Variants in PRKCE observed in about 807,000 individuals in gnomAD.
PRKCE encodes the protein protein kinase C epsilon.
Under a neutral mutation model 85.4 loss-of-function variants are expected in PRKCE, and 16 were observed. The ratio of observed to expected loss-of-function variants is 0.19; its 90% CI spans 0.13 to 0.28. The LOEUF (loss-of-function observed/expected upper bound fraction) is 0.28, where lower values mean the gene tolerates loss of function less well. Among genes scored for constraint, PRKCE ranks in the 10% least tolerant of loss-of-function variants. The pLI is 1.00. For synonymous variants in PRKCE, 388 were observed against 371.5 expected (o/e 1.04, Z -0.51); for missense variants, 573 against 975.2 (o/e 0.59, Z 5.49).
intron 2 of PRKCE, among the ~76,000 whole-genome samples, chr2:45,883,131 T>G (rs1256525612): frequency 6.6e-6 from 1 of 152,280 alleles, no homozygotes; most frequent in Admixed American, 6.5e-5. Flanking sequence ...CTCTCATTCC[T>G]GCAGCCAGCC....
chr2:45,681,787 C>T (rs912580648), intron 1 of PRKCE, among the ~76,000 whole-genome samples: 17 of 152,176 alleles, frequency 1.1e-4, no homozygotes, highest in African/African-American at 4.1e-4. Flanking sequence ...CATGCATGCC[C>T]TGTATTAAAG....
intron 1 of PRKCE, among the ~76,000 whole-genome samples, chr2:45,670,319 G>T (rs1368823198): frequency 6.6e-6 from 1 of 152,166 alleles, no homozygotes; most frequent in Non-Finnish European, 1.5e-5. Context: ...GTGAGAAAAA[G>T]AGAATAAAGG....
At chr2:45,768,226 C>T (rs1558650428) in intron 1 of PRKCE, among the ~76,000 whole-genome samples, 1 of 152,108 alleles carries the variant, frequency 6.6e-6, no homozygotes, top group Admixed American at 6.5e-5. Context: ...GAAATCAAAA[C>T]ACGAAAGAGC....
chr2:45,747,322 GC>G (rs1465204543), intron 1 of PRKCE, among the ~76,000 whole-genome samples: 1 of 152,070 alleles, frequency 6.6e-6, no homozygotes, highest in Non-Finnish European at 1.5e-5. Context: ...CTTTTACCTT[GC>G]AAATCTGAAA....
At chr2:46,106,733 G>A (rs1034384882) in intron 11 of PRKCE, among the ~76,000 whole-genome samples, 6 of 152,192 alleles carry the variant, frequency 3.9e-5, no homozygotes, top group Non-Finnish European at 8.8e-5. Flanking sequence ...ATTGGAGTAG[G>A]ACCATCCTGC....
intron 2 of PRKCE, chr2:45,851,972 C>G (rs1016156740): frequency 2.0e-5 from 3 of 152,334 alleles, no homozygotes; most frequent in African/African-American, 7.2e-5. Flanking sequence ...AAGACCCCCT[C>G]AGAGCAGTAA....
At chr2:46,169,879 A>T (rs1343335457) in intron 14 of PRKCE, among the ~76,000 whole-genome samples, 7 of 152,154 alleles carry the variant, frequency 4.6e-5, no homozygotes, top group Admixed American at 4.6e-4. Flanking sequence ...ACAGGCAGTG[A>T]GCTAAGGGGA....
intron 13 of PRKCE, among the ~76,000 whole-genome samples, chr2:46,153,767 CTCTTCT>C (rs1348236879): frequency 1.3e-5 from 2 of 148,608 alleles, no homozygotes; most frequent in South Asian, 2.1e-4. Flanking sequence ...CCTCCTCTTC[CTCTTCT>C]TCTTCTTCTT....
At chr2:45,773,454 C>G (rs1188585250) in intron 1 of PRKCE, among the ~76,000 whole-genome samples, 1 of 152,198 alleles carries the variant, frequency 6.6e-6, no homozygotes, top group Non-Finnish European at 1.5e-5. Flanking sequence ...CTGTCATCCT[C>G]CTTGTGCAGA....
rs181392465 is a variant in PRKCE at position 45,953,352 on chromosome 2, C to G, written c.413-23077C>G. Among the ~76,000 whole-genome samples the G allele has an allele frequency of 3.0e-3, 454 of 152,326 alleles. 7 individuals are homozygous for G. The highest frequency in any genetic ancestry group is 0.014 in the East Asian group (73 of 5,184). ...GTTGTGACATATGTCAGAGCCAAGACGATTCTCCATTACTGGACTCCCTGC... is the reference window on the plus strand; with the variant it reads ...GTTGTGACATATGTCAGAGCCAAGAGGATTCTCCATTACTGGACTCCCTGC... On this transcript the variant is annotated intron_variant, in intron 2 of 14. Coordinates refer to ENST00000306156, the MANE Select transcript of PRKCE (RefSeq NM_005400.3).
chr2:45,676,876 G>A (rs1188982351), intron 1 of PRKCE: 1 of 152,164 alleles, frequency 6.6e-6, no homozygotes, highest in Non-Finnish European at 1.5e-5. Context: ...GATATAACCA[G>A]GAACATGCCT....
At chr2:45,704,989 A>G (rs1470509177) in intron 1 of PRKCE, among the ~76,000 whole-genome samples, 2 of 152,164 alleles carry the variant, frequency 1.3e-5, no homozygotes, top group Admixed American at 1.3e-4. Context: ...GGGAGCCTGA[A>G]TGGTCCCCTC....
intron 2 of PRKCE, among the ~76,000 whole-genome samples, chr2:45,885,003 TTG>T: frequency 2.7e-5 from 1 of 37,384 alleles, no homozygotes; most frequent in African/African-American, 6.2e-5. Context: ...ATATATATAT[TTG>T]TTGTTGTTGT....
At chr2:45,837,325 T>C (rs1271246984) in intron 1 of PRKCE, among the ~76,000 whole-genome samples, 4 of 152,216 alleles carry the variant, frequency 2.6e-5, no homozygotes, top group African/African-American at 9.6e-5. Flanking sequence ...GGTGCGATCT[T>C]GCCTCACTGC....
rs554259555 is a variant in PRKCE, at chr2:46,168,689, G to T, written c.2067+8937G>T. On this transcript the variant is annotated intron_variant, in intron 14 of 14. Coordinates refer to ENST00000306156, the MANE Select transcript of PRKCE (RefSeq NM_005400.3). ...AATACTTAAGGGATAACAGGCAGTA[G>T]GGTAAAATCCGGCACCTGACTCCTA... Among the ~76,000 whole-genome samples the T allele has an allele frequency of 9.8e-5, 15 of 152,328 alleles. No individual in the cohort carries two copies. In the South Asian group the frequency reaches 3.1e-3, roughly 32 times the overall value.
At chr2:45,659,212 A>G (rs1455838187) in intron 1 of PRKCE, among the ~76,000 whole-genome samples, 2 of 152,106 alleles carry the variant, frequency 1.3e-5, no homozygotes, top group Non-Finnish European at 2.9e-5. Context: ...CCTCTCCTCA[A>G]TCTAAGCCCT....
intron 6 of PRKCE, among the ~76,000 whole-genome samples, chr2:45,999,574 T>G (rs1236783473): frequency 1.3e-5 from 2 of 152,122 alleles, no homozygotes; most frequent in Non-Finnish European, 2.9e-5. Flanking sequence ...GTTTGTTTGT[T>G]TGTTTCTTTT....
intron 10 of PRKCE, among the ~76,000 whole-genome samples, chr2:46,061,073 C>CT (rs1667071061): frequency 8.2e-6 from 1 of 121,746 alleles, no homozygotes; most frequent in Admixed American, 7.9e-5. Context: ...GATTTTTTGT[C>CT]TTTAATGATT....
intron 2 of PRKCE, among the ~76,000 whole-genome samples, chr2:45,869,660 G>A (rs892526609): frequency 6.6e-6 from 1 of 151,216 alleles, no homozygotes; most frequent in Non-Finnish European, 1.5e-5. Context: ...CTGGCCCCAA[G>A]GTCTGTTACA....
Sources: gnomAD v4.1 joint callset for allele counts (sites outside exome capture counted in the v4.1 genomes callset) on GRCh38, gnomAD v4.1.1 for gene constraint, MANE v1.5 for transcripts, NCBI Gene and HGNC (gene_info 2026-07-23, HGNC 2026-07-21) for gene names.